NPSR1: variants seen among roughly 807,000 people sequenced by gnomAD.
The protein encoded by NPSR1 is neuropeptide S receptor.
A neutral mutation model predicts 46.9 loss-of-function variants in NPSR1; 48 were observed. That is an observed-to-expected ratio of 1.02 (90% confidence interval 0.81 to 1.30). The LOEUF is 1.30. Ranked by LOEUF, NPSR1 falls within the 50% of genes most tolerant of loss-of-function variation. NPSR1 has a pLI of 0.00. For missense variants in NPSR1, 450 were observed against 449.5 expected, an observed-to-expected ratio of 1.00 and a Z score of -0.01; for synonymous variants, 176 against 168.1, an observed-to-expected ratio of 1.05 and a Z score of -0.36.
chr7:34,737,086 A>G (rs1409004471), intron 2 of NPSR1, among the ~76,000 whole-genome samples: 1 of 152,070 alleles, frequency 6.6e-6, no homozygotes, highest in African/African-American at 2.4e-5. Flanking sequence ...AAGCTGAAGC[A>G]ACAGAAGGGA....
intron 6 of NPSR1, among the ~76,000 whole-genome samples, chr7:34,841,792 C>A (rs1271192100): frequency 6.6e-6 from 1 of 152,166 alleles, no homozygotes; most frequent in Non-Finnish European, 1.5e-5. Flanking sequence ...GCACAAATGT[C>A]ATTCTCGAAA....
At position 34,858,959 on chromosome 7, in the gene NPSR1, G is replaced by A. The variant is rs951075352; in HGVS notation, c.1025+10296G>A. Among the ~76,000 whole-genome samples, 19 of 151,712 alleles carry A rather than the reference G, an allele frequency of 1.3e-4. 1 individual carries two copies. The highest frequency in any genetic ancestry group is 2.6e-4 in the Admixed American group (4 of 15,280). On this transcript the variant is annotated intron_variant, in intron 8 of 8. Transcript: ENST00000359791. Reference sequence around the variant, plus strand: ...AGAGTCCAGATTGAAATATCTTTGTGGGGAGAGGGAGGAGATGTACAGAGA... The same window carrying A: ...AGAGTCCAGATTGAAATATCTTTGTAGGGAGAGGGAGGAGATGTACAGAGA...
chr7:34,843,212 A>G (rs1273752503), intron 6 of NPSR1, among the ~76,000 whole-genome samples: 1 of 152,182 alleles, frequency 6.6e-6, no homozygotes, highest in Non-Finnish European at 1.5e-5. Flanking sequence ...TGGGAAATTT[A>G]TTTTTAAAAA....
chr7:34,664,195 A>C (rs1791620354), intron 1 of NPSR1, among the ~76,000 whole-genome samples: 1 of 152,222 alleles, frequency 6.6e-6, no homozygotes, highest in Non-Finnish European at 1.5e-5. Flanking sequence ...CTCAGAGAGC[A>C]GGCTTTAGAG....
chr7:34,689,039 C>G (rs1793084795), intron 2 of NPSR1, among the ~76,000 whole-genome samples: 1 of 152,144 alleles, frequency 6.6e-6, no homozygotes, highest in Non-Finnish European at 1.5e-5. Flanking sequence ...TGGCAGCTGC[C>G]CACCAGACCC....
intron 4 of NPSR1, among the ~76,000 whole-genome samples, chr7:34,821,086 A>G (rs1307060315): frequency 7.2e-6 from 1 of 139,366 alleles, no homozygotes; most frequent in East Asian, 2.2e-4. Context: ...GGGGGGCCTT[A>G]TAACTTTATT....
chr7:34,665,099 TTAAGA>T (rs1407286474), intron 1 of NPSR1, among the ~76,000 whole-genome samples: 1 of 152,092 alleles, frequency 6.6e-6, no homozygotes, highest in Non-Finnish European at 1.5e-5. Flanking sequence ...TTCCTAAAAG[TTAAGA>T]TAAGGTAAAA....
intron 3 of NPSR1, among the ~76,000 whole-genome samples, chr7:34,807,050 T>A (rs1023954492): frequency 6.6e-6 from 1 of 152,182 alleles, no homozygotes; most frequent in Admixed American, 6.5e-5. Context: ...CCATATGTTG[T>A]TGATGTGTAG....
In NPSR1 at chr7:34,679,932, T is replaced by C. The variant is rs557303982; in HGVS notation, c.148-4620T>C. ...ACAAAATGTTAAAATTGATCACAAA[T>C]GAGATAAAAAATATCAAAAATTGAT... On this transcript the variant is annotated intron_variant, in intron 1 of 8. Coordinates refer to ENST00000360581, the MANE Select transcript of NPSR1 (RefSeq NM_207172.2). 2.6e-5 allele frequency among the ~76,000 whole-genome samples: 4 copies of C among 152,108 alleles called. No homozygotes were observed. In the South Asian group the frequency reaches 8.3e-4, roughly 32 times the overall value.
At chr7:34,806,318 G>T (rs534997603) in intron 3 of NPSR1, among the ~76,000 whole-genome samples, 73 of 152,108 alleles carry the variant, frequency 4.8e-4, no homozygotes, top group Admixed American at 1.0e-3. Context: ...CCATTAAATG[G>T]GATATTATTC....
At chr7:34,813,186 T>G (rs1157845679) in intron 4 of NPSR1, among the ~76,000 whole-genome samples, 1 of 152,190 alleles carries the variant, frequency 6.6e-6, no homozygotes, top group African/African-American at 2.4e-5. Flanking sequence ...TGTGTCTCAG[T>G]GGAGGAATGG....
chr7:34,878,151 G>A lies in NPSR1; in HGVS notation c.1101G>A (p.Trp367Ter). 2 of 1,607,286 alleles carry A rather than the reference G, an allele frequency of 1.2e-6. No individual in the cohort carries two copies. Among genetic ancestry groups the A allele is most frequent in the South Asian group, 1.1e-5 (1 of 89,772 alleles). The change falls in exon 9 of 9, where the codon TGG (tryptophan) becomes TGA (stop). Residue 367 changes from tryptophan to a stop codon, truncating the protein, a stop_gained. Transcript: ENST00000359791. LOFTEE classifies it high-confidence loss of function. ...AACGAGAGAACTGGAAGGGTACTTG[G>A]CCAGGTGTACCTTCCTGGGCTCTTC...
At chr7:34,793,180 G>A (rs1347816540) in intron 3 of NPSR1, among the ~76,000 whole-genome samples, 1 of 151,746 alleles carries the variant, frequency 6.6e-6, no homozygotes, top group Non-Finnish European at 1.5e-5. Context: ...AAAAGCACAG[G>A]CAACAAAAGC....
intron 1 of NPSR1, among the ~76,000 whole-genome samples, chr7:34,682,772 C>A (rs1202633119): frequency 6.6e-6 from 1 of 152,152 alleles, no homozygotes; most frequent in African/African-American, 2.4e-5. Context: ...AGTTTTTATT[C>A]TTGATGCTTT....
At chr7:34,859,528 G>A (rs2128767589) in intron 8 of NPSR1, among the ~76,000 whole-genome samples, 1 of 151,718 alleles carries the variant, frequency 6.6e-6, no homozygotes, top group Non-Finnish European at 1.5e-5. Context: ...GGGAACACTG[G>A]AGATATTGCT....
chr7:34,733,464 C>G lies in NPSR1; in HGVS notation c.281-44998C>G, dbSNP rs990095104. 4.6e-5 allele frequency among the ~76,000 whole-genome samples: 7 copies of G among 150,966 alleles called. No individual in the cohort carries two copies. In the East Asian group the frequency reaches 1.4e-3, roughly 29 times the overall value. On this transcript the variant is annotated intron_variant, in intron 2 of 8. Coordinates refer to ENST00000360581, the MANE Select transcript of NPSR1 (RefSeq NM_207172.2). ...AAGAAAAAGAAAAAATGAATCCTTGCAGAGCAAAAGTACTATCAAGGCTTT... is the reference window on the plus strand; with the variant it reads ...AAGAAAAAGAAAAAATGAATCCTTGGAGAGCAAAAGTACTATCAAGGCTTT...
chr7:34,845,701 G>A (rs938171833), intron 7 of NPSR1: 5 of 403,178 alleles, frequency 1.2e-5, no homozygotes, highest in Non-Finnish European at 2.4e-5. Context: ...TGTCTCCCCT[G>A]TTGGAGTAAT....
chr7:34,827,330 A>G, intron 4 of NPSR1, 71 bp from the exon 5 acceptor site: 1 of 1,338,444 alleles, frequency 7.5e-7, no homozygotes. Flanking sequence ...ATCCTTTTCT[A>G]TAGCAGACTC....
At chr7:34,660,198 G>A in intron 1 of NPSR1, 1 of 451,978 alleles carries the variant, frequency 2.2e-6, no homozygotes, top group Non-Finnish European at 4.4e-6. Flanking sequence ...CAGCAAAACG[G>A]CTGGACCACT....
Sources: allele counts gnomAD v4.1 joint callset (sites outside exome capture counted in the v4.1 genomes callset), GRCh38; gene constraint gnomAD v4.1.1; transcripts MANE v1.5; gene names NCBI Gene and HGNC (gene_info 2026-07-23, HGNC 2026-07-21).